Variants in RBFOX1 observed in about 807,000 individuals in gnomAD.
RBFOX1 encodes the protein RNA binding protein fox-1 homolog 1.
A neutral mutation model predicts 57.7 loss-of-function variants in RBFOX1; 8 were observed. That is an observed-to-expected ratio of 0.14 (90% CI 0.08 to 0.25). The LOEUF is 0.25. Ranked by LOEUF, RBFOX1 falls within the 10% of genes least tolerant of loss-of-function variation. The pLI is 1.00. For missense variants in RBFOX1, 611 were observed against 548.5 expected (o/e 1.11, Z -1.14); for synonymous variants, 326 against 222.4 (o/e 1.47, Z -4.15).
At chr16:7,327,550 C>A (rs1052442872) in intron 4 of RBFOX1, among the ~76,000 whole-genome samples, 1 of 152,204 alleles carries the variant, frequency 6.6e-6, no homozygotes, top group Admixed American at 6.5e-5. Context: ...CAGGGAAACA[C>A]TCTGTTTTAT....
At chr16:6,965,726 T>C (rs1229330108) in intron 3 of RBFOX1, among the ~76,000 whole-genome samples, 1 of 152,172 alleles carries the variant, frequency 6.6e-6, no homozygotes, top group African/African-American at 2.4e-5. Flanking sequence ...TGGCTCCAAA[T>C]GGGAATGATA....
chr16:5,345,083 G>A (rs1030384516), intron 1 of RBFOX1, among the ~76,000 whole-genome samples: 20 of 152,144 alleles, frequency 1.3e-4, no homozygotes, highest in Admixed American at 9.8e-4. Context: ...TCAGAGTCAT[G>A]GAGCCCATCG....
chr16:5,391,405 C>T (rs1006299523), intron 1 of RBFOX1, among the ~76,000 whole-genome samples: 2 of 152,096 alleles, frequency 1.3e-5, no homozygotes, highest in Non-Finnish European at 2.9e-5. Flanking sequence ...GTGGCTTCTG[C>T]TTCCGTCTTC....
intron 2 of RBFOX1, among the ~76,000 whole-genome samples, chr16:6,327,261 A>G (rs1170317922): frequency 6.6e-6 from 1 of 151,876 alleles, no homozygotes; most frequent in Admixed American, 6.6e-5. Context: ...TGCGATCATC[A>G]TTATAATGGC....
intron 2 of RBFOX1, among the ~76,000 whole-genome samples, chr16:6,526,709 A>G (rs557903614): frequency 1.3e-3 from 198 of 151,752 alleles, no homozygotes; most frequent in African/African-American, 4.6e-3. Context: ...GGGCACCTGT[A>G]GTCCCAGCTA....
At chr16:6,134,895 G>T (rs2152686038) in intron 1 of RBFOX1, among the ~76,000 whole-genome samples, 1 of 152,064 alleles carries the variant, frequency 6.6e-6, no homozygotes, top group East Asian at 1.9e-4. Flanking sequence ...TGCACAACGT[G>T]CAGGGTTGTT....
chr16:5,373,981 G>A (rs1486947976), intron 1 of RBFOX1, among the ~76,000 whole-genome samples: 2 of 152,158 alleles, frequency 1.3e-5, no homozygotes, highest in Admixed American at 1.3e-4. Context: ...GCAATGGTGC[G>A]ATCTCGGCTC....
rs534808999 is a variant in RBFOX1, at chr16:6,725,669, C to G, written c.-16+71019C>G. Among the ~76,000 whole-genome samples, 10 of 152,204 alleles carry G rather than the reference C, an allele frequency of 6.6e-5. No individual in the cohort carries two copies. The East Asian group carries it at 1.7e-3, about 26-fold the overall frequency. Reference sequence around the variant, plus strand: ...TCCTTTTAATTTCTTAATACATTTGCTTTTACTTAAAAAGAAGAGTTCAGA... The same window carrying G: ...TCCTTTTAATTTCTTAATACATTTGGTTTTACTTAAAAAGAAGAGTTCAGA... On this transcript the variant is annotated intron_variant, in intron 3 of 15. Transcript: ENST00000550418.
intron 3 of RBFOX1, among the ~76,000 whole-genome samples, chr16:6,957,787 C>T (rs2082177753): frequency 6.6e-6 from 1 of 152,078 alleles, no homozygotes; most frequent in Non-Finnish European, 1.5e-5. Context: ...GGCTGGGATA[C>T]CTTAGGGAAA....
chr16:6,317,139 GC>G, intron 2 of RBFOX1, 82 bp downstream of exon 2: 1 of 1,355,658 alleles, frequency 7.4e-7, no homozygotes, highest in Non-Finnish European at 1.0e-6. Flanking sequence ...GCTCTTTTCT[GC>G]AGGTTTGAAG....
intron 4 of RBFOX1, among the ~76,000 whole-genome samples, chr16:5,953,198 G>C (rs1171583108): frequency 6.6e-6 from 1 of 152,202 alleles, no homozygotes; most frequent in East Asian, 1.9e-4. Context: ...CTGGGGCCAT[G>C]TTTCTCAGCT....
intron 4 of RBFOX1, among the ~76,000 whole-genome samples, chr16:5,889,280 T>G (rs561408500): frequency 6.6e-6 from 1 of 152,268 alleles, no homozygotes; most frequent in South Asian, 2.1e-4. Context: ...CCCCATGTGT[T>G]CTCATCATTC....
intron 3 of RBFOX1, among the ~76,000 whole-genome samples, chr16:5,823,671 A>G (rs932041022): frequency 3.9e-5 from 6 of 152,130 alleles, no homozygotes; most frequent in Admixed American, 2.0e-4. Context: ...GCATTAGATT[A>G]TCATAGGAGT....
intron 3 of RBFOX1, among the ~76,000 whole-genome samples, chr16:6,831,274 C>A (rs771210191): frequency 6.6e-6 from 1 of 152,178 alleles, no homozygotes; most frequent in Admixed American, 6.6e-5. Context: ...TCACCCAGGT[C>A]TTATAGTCCA....
At chr16:5,853,239 G>C (rs2056941210) in intron 3 of RBFOX1, among the ~76,000 whole-genome samples, 1 of 152,124 alleles carries the variant, frequency 6.6e-6, no homozygotes, top group African/African-American at 2.4e-5. Flanking sequence ...TGATATCCTG[G>C]AGTTGAACAG....
chr16:6,915,136 A>G (rs2072793511), intron 3 of RBFOX1, among the ~76,000 whole-genome samples: 1 of 152,186 alleles, frequency 6.6e-6, no homozygotes, highest in South Asian at 2.1e-4. Context: ...TGGCGGAGCC[A>G]TGCTCTCCAG....
At chr16:7,500,974 C>T (rs1249099059) in intron 4 of RBFOX1, among the ~76,000 whole-genome samples, 1 of 152,164 alleles carries the variant, frequency 6.6e-6, no homozygotes, top group Non-Finnish European at 1.5e-5. Flanking sequence ...TTTGCTCGGC[C>T]CTTGTCCTTC....
intron 3 of RBFOX1, among the ~76,000 whole-genome samples, chr16:5,653,906 G>GTTATC (rs2049334454): frequency 6.6e-6 from 1 of 152,196 alleles, no homozygotes; most frequent in Non-Finnish European, 1.5e-5. Context: ...AAAGATGAGA[G>GTTATC]GATAAAGTCA....
At chr16:6,484,062 C>G in intron 2 of RBFOX1, 1 of 474,762 alleles carries the variant, frequency 2.1e-6, no homozygotes, top group Non-Finnish European at 2.8e-6. Context: ...CATCGATTTT[C>G]TTTACCCACT....
Sources: gnomAD v4.1 joint callset for allele counts (sites outside exome capture counted in the v4.1 genomes callset) on GRCh38, gnomAD v4.1.1 for gene constraint, MANE v1.5 for transcripts, NCBI Gene and HGNC (gene_info 2026-07-23, HGNC 2026-07-21) for gene names.